The following PGAP6 variants were observed in gnomAD, a reference collection of about 807,000 sequenced individuals.
PGAP6 encodes post-GPI attachment to proteins factor 6.
PGAP6 carries 62 observed loss-of-function variants against 68.4 expected under a neutral mutation model. The ratio of observed to expected loss-of-function variants is 0.91; its 90% CI spans 0.74 to 1.12. PGAP6 has a LOEUF of 1.12. Among genes scored for constraint, PGAP6 ranks in the 50% most tolerant of loss-of-function variants. PGAP6 has a pLI of 0.00. For missense variants in PGAP6, 1,188 were observed against 1,068.5 expected, an observed-to-expected ratio of 1.11 and a Z score of -1.56; for synonymous variants, 575 against 474.0, an observed-to-expected ratio of 1.21 and a Z score of -2.77.
upstream of PGAP6, chr16:382,567 G>C (rs970733386): frequency 3.4e-6 from 1 of 293,044 alleles, no homozygotes; most frequent in African/African-American, 2.2e-5. Context: ...CGGTTCACAC[G>C]GGTGCGTGGC....
Position 374,290 on chromosome 16 carries a change from G to A in PGAP6, c.1686C>T (p.Ile562=), listed in dbSNP as rs769194331. Residue 562 remains isoleucine (I), a synonymous_variant, in exon 10 of 13, where the codon ATC becomes ATT. Coordinates refer to ENST00000431232, the MANE Select transcript of PGAP6 (RefSeq NM_021259.3). ...GGAAGAATCGCCGCACTGAGACGGC[G>A]ATGGGGGCCAGGAACATGAGGTTGC... The part of the protein sequence containing the change: ...TLSNLMFLAP[I]AVSVRRFFLV... 28 of 1,606,768 alleles carry A rather than the reference G, an allele frequency of 1.7e-5. No homozygotes were observed. The East Asian group carries it at 1.8e-4, about 10-fold the overall frequency.
chr16:383,862 G>A (rs1267950396), upstream of PGAP6, among the ~76,000 whole-genome samples: 1 of 152,144 alleles, frequency 6.6e-6, no homozygotes, highest in Non-Finnish European at 1.5e-5. Flanking sequence ...GAGCGGGGGA[G>A]GGGAAGCTGA....
chr16:381,577 G>A (rs957087208), intron 1 of PGAP6, 124 bp downstream of exon 1: 3 of 755,918 alleles, frequency 4.0e-6, no homozygotes, highest in Non-Finnish European at 5.1e-6. Context: ...CCCAACCCGC[G>A]GCGGGGACCC....
chr16:376,809 G>C lies in PGAP6; in HGVS notation c.639C>G (p.Val213=), dbSNP rs2054389089. ...TLLSHPSYLK[V]FVPDYTRELL... Reference sequence around the variant, plus strand: ...GCTCCCGCGTGTAATCGGGGACAAAGACCCTGCAGCGAGGGGACACAGCTG... The same window carrying C: ...GCTCCCGCGTGTAATCGGGGACAAACACCCTGCAGCGAGGGGACACAGCTG... Residue 213 remains valine, a synonymous_variant, in exon 5 of 13, where the codon GTC becomes GTG. Coordinates refer to ENST00000431232, the MANE Select transcript of PGAP6 (RefSeq NM_021259.3). The C allele has an allele frequency of 6.2e-7, 1 of 1,605,212 alleles. No individual in the cohort carries two copies. Among genetic ancestry groups the C allele is most frequent in the Non-Finnish European group, 8.5e-7 (1 of 1,179,864 alleles).
Position 376,353 on chromosome 16 carries a change from T to A in PGAP6, c.1007A>T (p.Gln336Leu), listed in dbSNP as rs763492913. The change falls in exon 6 of 13, where the codon CAG becomes CTG. Residue 336 changes from glutamine to leucine, a missense_variant. Transcript: ENST00000431232. The stretch of plus-strand genomic sequence containing the variant: ...CACCCTGCCACTCCTGCCCAGGTCC[T>A]GGTGGTCGGGGCTCGGGGACAGCAG... ...SGLLSPSPDHQDLGRSGRVDR... is the reference protein window; with the variant it reads ...SGLLSPSPDHLDLGRSGRVDR... 6.2e-7 allele frequency: 1 copy of A among 1,612,266 alleles called. No homozygotes were observed.
At chr16:376,979 C>T in intron 4 of PGAP6, 58 bp downstream of exon 4, 2 of 1,603,058 alleles carry the variant, frequency 1.2e-6, no homozygotes, top group Middle Eastern at 1.7e-4. Flanking sequence ...ACCCACTCCA[C>T]CGAATCTGAG....
intron 6 of PGAP6, 71 bp downstream of exon 6, chr16:376,062 TGAG>T (rs1307806397): frequency 5.6e-6 from 8 of 1,432,162 alleles, no homozygotes; most frequent in Non-Finnish European, 7.5e-6. Context: ...CCAAGGTAAA[TGAG>T]GAGGCGCTGC....
intron 1 of PGAP6, among the ~76,000 whole-genome samples, chr16:381,424 C>T (rs913159457): frequency 6.6e-6 from 1 of 151,976 alleles, no homozygotes; most frequent in African/African-American, 2.4e-5. Flanking sequence ...CGGACCTGGG[C>T]GCTCTGGGAG....
chr16:372,578 T>C lies in PGAP6; in HGVS notation c.2019+33A>G, dbSNP rs759934087. On this transcript the variant is annotated intron_variant, in intron 12 of 12. Transcript: ENST00000431232. The stretch of plus-strand genomic sequence containing the variant: ...GGCCAGGCTCTCTTCTCCGAGCACC[T>C]GGGCAGCAGTGCCAGCCAGCCCGGC... 4.6e-6 allele frequency: 7 copies of C among 1,527,508 alleles called. No homozygotes were observed. In the South Asian group the frequency reaches 6.7e-5, roughly 15 times the overall value. The allele number at this position is 1,527,508 out of a possible 1,614,324, so 94.6% of individuals were successfully genotyped here.
At chr16:377,910 G>T in intron 1 of PGAP6, 62 bp from the exon 2 acceptor site, 1 of 1,432,394 alleles carries the variant, frequency 7.0e-7, no homozygotes, top group Non-Finnish European at 9.4e-7. Flanking sequence ...AGATGGGGAG[G>T]ACGAGTCCCC....
At chr16:372,831 G>A (rs984786277) in intron 11 of PGAP6, 104 bp from the exon 12 acceptor site, 10 of 788,030 alleles carry the variant, frequency 1.3e-5, no homozygotes, top group East Asian at 2.6e-5. Flanking sequence ...CTGCCCCCTC[G>A]GAGCTGCTGC....
At chr16:386,924 C>G (rs1365199684), upstream of PGAP6, 6 of 593,318 alleles carry the variant, frequency 1.0e-5, no homozygotes, top group Admixed American at 1.9e-5. Flanking sequence ...CACTGCGACG[C>G]CGGAGGCGGC....
In PGAP6 at chr16:375,303, G is replaced by T. The variant is rs184327466; in HGVS notation, c.1315+42C>A. On this transcript the variant is annotated intron_variant, in intron 7 of 12. Transcript: ENST00000431232. The stretch of plus-strand genomic sequence containing the variant: ...CCATCAGAGGAGGCCGGGGCGGGGG[G>T]CTGGCCGGGGCCACGCTGACGGTGA... The T allele has an allele frequency of 1.3e-4, 213 of 1,612,578 alleles. No homozygotes were observed. The African/African-American group carries it at 1.4e-3, about 11-fold the overall frequency.
At position 374,469 on chromosome 16, in the gene PGAP6, G is replaced by A; in HGVS notation, c.1577-70C>T. ...ACCTCAGGGCCCACCCCTCACCCAG[G>A]ACCCTGCAGAGAAGCCCCTTCCTCA... On this transcript the variant is annotated intron_variant, in intron 9 of 12. Coordinates refer to ENST00000431232, the MANE Select transcript of PGAP6 (RefSeq NM_021259.3). The A allele has an allele frequency of 3.5e-6, 5 of 1,439,526 alleles. No homozygotes were observed. In the South Asian group the frequency reaches 4.2e-5, roughly 12 times the overall value. The allele number at this position is 1,439,526 out of a possible 1,614,324, so 89.2% of individuals were successfully genotyped here.
intron 11 of PGAP6, among the ~76,000 whole-genome samples, chr16:373,284 C>A (rs1398557759): frequency 6.6e-6 from 1 of 152,268 alleles, no homozygotes; most frequent in Non-Finnish European, 1.5e-5. Context: ...CTGCAGTTCC[C>A]AGAGCAGATG....
At chr16:372,309 C>G in intron 12 of PGAP6, 26 bp from the exon 13 acceptor site, 1 of 1,597,212 alleles carries the variant, frequency 6.3e-7, no homozygotes, top group Non-Finnish European at 8.5e-7. Flanking sequence ...ACGCAGGTAT[C>G]AGTGCAGGTG....
chr16:370,855 A>G lies in PGAP6; in HGVS notation c.*1132T>C, dbSNP rs1341671887. 1.3e-5 allele frequency: 2 copies of G among 152,382 alleles called. No individual in the cohort carries two copies. Among genetic ancestry groups the G allele is most frequent in the Non-Finnish European group, 2.9e-5 (2 of 68,198 alleles). 9.4% of individuals were successfully genotyped at this position (152,382 alleles called of 1,614,324 possible). ...ACAGATAGATCAGATCTACATAAAA[A>G]TATGTCTTAATATCTTAGAATTTTC... On this transcript the variant is annotated 3_prime_UTR_variant, in exon 13 of 13. Transcript: ENST00000431232.
At chr16:378,749 A>G (rs2054414611) in intron 1 of PGAP6, among the ~76,000 whole-genome samples, 1 of 152,162 alleles carries the variant, frequency 6.6e-6, no homozygotes. Context: ...CCGGAGCCCA[A>G]ATTCCCCTTA....
In PGAP6 at chr16:374,389, C is replaced by T. The variant is rs776204495; in HGVS notation, c.1587G>A (p.Gly529=). The change falls in exon 10 of 13, where the codon GGG becomes GGA. Residue 529 remains glycine (G), a synonymous_variant. Coordinates refer to ENST00000431232, the MANE Select transcript of PGAP6 (RefSeq NM_021259.3). ...ASCSCKAGWR[G]WSCTDNSTAQ... ...CTGTGCTGTTGTCCGTGCAGCTCCA[C>T]CCACGCCAGCCTGCGGTCACAAAAC... 3.2e-6 allele frequency: 5 copies of T among 1,571,480 alleles called. No individual in the cohort carries two copies. Among genetic ancestry groups the T allele is most frequent in the Non-Finnish European group, 4.3e-6 (5 of 1,163,792 alleles).
Sources: allele counts gnomAD v4.1 joint callset (sites outside exome capture counted in the v4.1 genomes callset), GRCh38; gene constraint gnomAD v4.1.1; transcripts MANE v1.5; gene names NCBI Gene and HGNC (gene_info 2026-07-23, HGNC 2026-07-21).